NGFR: variants seen among roughly 807,000 people sequenced by gnomAD.
The protein encoded by NGFR is nerve growth factor receptor.
NGFR carries 30 observed loss-of-function variants against 43.2 expected under a neutral mutation model. The ratio of observed to expected loss-of-function variants is 0.69; its 90% CI spans 0.52 to 0.94. The LOEUF is 0.94. Among genes scored for constraint, NGFR ranks in the 40% least tolerant of loss-of-function variants. The pLI is 0.00. For missense variants in NGFR, 529 were observed against 602.5 expected (o/e 0.88, Z 1.28); for synonymous variants, 246 against 259.6 (o/e 0.95, Z 0.50).
rs1256089877 is a variant in NGFR, at chr17:49,512,904, G to A, written c.1179G>A (p.Gln393=). The A allele has an allele frequency of 6.2e-7, 1 of 1,612,870 alleles. No homozygotes were observed. The highest frequency in any genetic ancestry group is 1.7e-5 in the Admixed American group (1 of 59,980). ...VRALLASWAT[Q]DSATLDALLA... ...CCCTGCTTGCAAGCTGGGCCACCCA[G>A]GACAGCGCCACACTGGACGCCCTCC... Residue 393 remains glutamine (Q), a synonymous_variant, in exon 6 of 6, where the codon CAG becomes CAA. Coordinates refer to ENST00000172229, the MANE Select transcript of NGFR (RefSeq NM_002507.4). This position sits in a 1 kb window ranked among gnomAD's most constrained non-coding sequence, Gnocchi z 5.2.
intron 1 of NGFR, among the ~76,000 whole-genome samples, chr17:49,501,072 GT>G (rs1035881018): frequency 2.0e-5 from 3 of 152,126 alleles, no homozygotes; most frequent in African/African-American, 7.2e-5. Flanking sequence ...TAGACATTAA[GT>G]TTTTTTTAAA....
At position 49,512,508 on chromosome 17, in the gene NGFR, C is replaced by T. The variant is rs2071240123; in HGVS notation, c.983-200C>T. Among the ~76,000 whole-genome samples, 3 of 152,242 alleles carry T rather than the reference C, an allele frequency of 2.0e-5. No individual in the cohort carries two copies. The South Asian group carries it at 6.2e-4, about 32-fold the overall frequency. On this transcript the variant is annotated intron_variant, in intron 5 of 5. Transcript: ENST00000172229. The surrounding 1 kb of genome is among the most constrained non-coding windows in gnomAD (Gnocchi z 5.2). ...AGGAGGGATGGGGATAGGGATTGGG[C>T]TGGAGTGACAGGAGGAAGGGACAAC...
At chr17:49,511,435 A>C (rs1196484948) in intron 4 of NGFR, among the ~76,000 whole-genome samples, 1 of 152,066 alleles carries the variant, frequency 6.6e-6, no homozygotes, top group African/African-American at 2.4e-5. Flanking sequence ...TCAGGAATGT[A>C]GATTAGCTGA....
Position 49,495,397 on chromosome 17 carries a change from C to A in NGFR, c.-21C>A, listed in dbSNP as rs760882496. The A allele has an allele frequency of 1.8e-4, 217 of 1,233,030 alleles. No individual in the cohort carries two copies. The highest frequency in any genetic ancestry group is 2.0e-4 in the Non-Finnish European group (199 of 987,574). 76.4% of individuals were successfully genotyped at this position (1,233,030 alleles called of 1,614,324 possible). A position where few individuals can be genotyped will look rare whatever the true frequency, so the allele number is the denominator to read the frequency against. Reference sequence around the variant, plus strand: ...AAAGCGGACCGAGCTGGAAGTCGAGCGCTGCCGCGGGAGGCGGGCGATGGG... The same window carrying A: ...AAAGCGGACCGAGCTGGAAGTCGAGAGCTGCCGCGGGAGGCGGGCGATGGG... On this transcript the variant is annotated 5_prime_UTR_variant, in exon 1 of 6. Transcript: ENST00000172229. This position sits in a 1 kb window ranked among gnomAD's most constrained non-coding sequence, Gnocchi z 6.4.
chr17:49,510,780 C>G, intron 4 of NGFR, 116 bp downstream of exon 4: 1 of 1,306,894 alleles, frequency 7.7e-7, no homozygotes, highest in Non-Finnish European at 1.1e-6. Flanking sequence ...AAACCAAGCT[C>G]ATCCTCACTC....
intron 3 of NGFR, 29 bp downstream of exon 3, chr17:49,506,687 T>TGGGGGGGG: frequency 1.6e-5 from 2 of 128,682 alleles, no homozygotes; most frequent in South Asian, 3.4e-4. Context: ...GCGGGGGGAG[T>TGGGGGGGG]GGGGGTGCGG....
rs200089444 is a variant in NGFR at position 49,504,776 on chromosome 17, T to C, written c.209-1523T>C. 7.8e-3 allele frequency among the ~76,000 whole-genome samples: 1,071 copies of C among 137,540 alleles called. 23 individuals are homozygous for C. In the East Asian group the frequency reaches 0.087, roughly 11 times the overall value. 90.2% of individuals were successfully genotyped at this position (137,540 alleles called of 152,430 possible). On this transcript the variant is annotated intron_variant, in intron 2 of 5. Transcript: ENST00000172229. ...CTTTTTCTTTCTTTCTTTCTTTTTT[T>C]TTTTTTTTTTTTTTTGACAGCGTCT...
At chr17:49,511,375 A>C (rs756600073) in intron 4 of NGFR, among the ~76,000 whole-genome samples, 1 of 152,190 alleles carries the variant, frequency 6.6e-6, no homozygotes, top group Non-Finnish European at 1.5e-5. Flanking sequence ...CACATTGTAC[A>C]TATTCTACAG....
chr17:49,502,011 C>CA, intron 1 of NGFR, 52 bp from the exon 2 acceptor site: 1 of 789,356 alleles, frequency 1.3e-6, no homozygotes, highest in Non-Finnish European at 1.7e-6. Flanking sequence ...CCCCCCCCAA[C>CA]CCACCCCAGC....
chr17:49,506,181 G>C (rs1423082644), intron 2 of NGFR, 118 bp from the exon 3 acceptor site: 3 of 1,478,042 alleles, frequency 2.0e-6, no homozygotes, highest in East Asian at 4.7e-5. Flanking sequence ...GAGCCGATGA[G>C]AAGGCTGAAG....
At chr17:49,506,687 T>TGTGGGGGGGGGGGGGGGGGGGGGGGGGG in intron 3 of NGFR, 29 bp downstream of exon 3, 1 of 128,684 alleles carries the variant, frequency 7.8e-6, no homozygotes, top group Non-Finnish European at 1.1e-5. Flanking sequence ...GCGGGGGGAG[T>TGTGGGGGGGGGGGGGGGGGGGGGGGGGG]GGGGGTGCGG....
Position 49,510,436 on chromosome 17 carries a change from G to A in NGFR, c.593G>A (p.Arg198Gln), listed in dbSNP as rs377497410. 36 of 1,613,738 alleles carry A rather than the reference G, an allele frequency of 2.2e-5. No homozygotes were observed. The highest frequency in any genetic ancestry group is 1.7e-4 in the African/African-American group (13 of 74,854). ...GAGATCCCTGGCCGTTGGATTACACGGTCCACACCCCCAGAGGGCTCGGAC... is the reference window on the plus strand; with the variant it reads ...GAGATCCCTGGCCGTTGGATTACACAGTCCACACCCCCAGAGGGCTCGGAC... Reference protein sequence around the residue: ...CEEIPGRWITRSTPPEGSDST... With the variant: ...CEEIPGRWITQSTPPEGSDST... The change falls in exon 4 of 6, where the codon CGG (arginine) becomes CAG (glutamine). Residue 198 changes from arginine to glutamine, a missense_variant. Coordinates refer to ENST00000172229, the MANE Select transcript of NGFR (RefSeq NM_002507.4).
intron 1 of NGFR, among the ~76,000 whole-genome samples, chr17:49,500,439 A>G (rs1474754163): frequency 2.0e-5 from 3 of 152,198 alleles, no homozygotes; most frequent in Non-Finnish European, 4.4e-5. Context: ...CAGGGAGCTG[A>G]CAGTCCAATG....
intron 1 of NGFR, among the ~76,000 whole-genome samples, chr17:49,500,839 C>T (rs997261203): frequency 1.1e-4 from 16 of 148,942 alleles, no homozygotes. Flanking sequence ...CCTGACTCCT[C>T]TGTTTCCTTC....
rs987276056 is a variant in NGFR, at chr17:49,513,461, G to T, written c.*452G>T. ...TACACTGTGAACTTGGGGAACAAGG[G>T]TGGCATCCCAGTGGCCTCAACCCTC... On this transcript the variant is annotated 3_prime_UTR_variant, in exon 6 of 6. Coordinates refer to ENST00000172229, the MANE Select transcript of NGFR (RefSeq NM_002507.4). The T allele has an allele frequency of 1.9e-5, 3 of 161,374 alleles. No homozygotes were observed. The highest frequency in any genetic ancestry group is 1.8e-4 in the East Asian group (1 of 5,474). 10.0% of individuals were successfully genotyped at this position (161,374 alleles called of 1,614,324 possible). A position where few individuals can be genotyped will look rare whatever the true frequency, so the allele number is the denominator to read the frequency against.
At position 49,510,744 on chromosome 17, in the gene NGFR, C is replaced by T. The variant is rs1437961469; in HGVS notation, c.821+80C>T. ...CTTTGCTGTGACCTTGACCTGAAAA[C>T]ATACACACCCTTTTAACTCAACCCC... On this transcript the variant is annotated intron_variant, in intron 4 of 5. Coordinates refer to ENST00000172229, the MANE Select transcript of NGFR (RefSeq NM_002507.4). 5 of 1,546,562 alleles carry T rather than the reference C, an allele frequency of 3.2e-6. No individual in the cohort carries two copies. The East Asian group carries it at 6.8e-5, about 21-fold the overall frequency.
At chr17:49,502,018 C>CCCCCCCAAAAAA in intron 1 of NGFR, 45 bp from the exon 2 acceptor site, 4 of 1,320,356 alleles carry the variant, frequency 3.0e-6, no homozygotes, top group Non-Finnish European at 4.0e-6. Flanking sequence ...CAACCCACCC[C>CCCCCCCAAAAAA]AGCTTTCTCT....
chr17:49,496,577 G>C lies in NGFR; in HGVS notation c.66+1094G>C, dbSNP rs575742538. ...TACGCAGGCGGGAGGCGGCAGGCAGGGGGCGCTGCGGGGCGAGGCAAGTGC... is the reference window on the plus strand; with the variant it reads ...TACGCAGGCGGGAGGCGGCAGGCAGCGGGCGCTGCGGGGCGAGGCAAGTGC... On this transcript the variant is annotated intron_variant, in intron 1 of 5. Transcript: ENST00000172229. 1.9e-4 allele frequency: 29 copies of C among 152,416 alleles called. No individual in the cohort carries two copies. In the East Asian group the frequency reaches 4.4e-3, roughly 23 times the overall value. 9.4% of individuals were successfully genotyped at this position (152,416 alleles called of 1,614,324 possible).
chr17:49,510,364 G>A (rs1204281702), intron 3 of NGFR, 48 bp from the exon 4 acceptor site: 3 of 1,603,038 alleles, frequency 1.9e-6, no homozygotes, highest in African/African-American at 2.7e-5. Context: ...GAGCTAAAAG[G>A]GAGGAGTGGG....
Sources: allele counts gnomAD v4.1 joint callset (sites outside exome capture counted in the v4.1 genomes callset), GRCh38; gene constraint gnomAD v4.1.1; non-coding constraint Gnocchi (gnomAD v3.1); transcripts MANE v1.5; gene names NCBI Gene and HGNC (gene_info 2026-07-23, HGNC 2026-07-21).